ITGA4: variants seen among roughly 807,000 people sequenced by gnomAD.
ITGA4 encodes integrin alpha-4.
ITGA4 carries 63 observed loss-of-function variants against 133.6 expected under a neutral mutation model. The observed-to-expected ratio is 0.47, with a 90% CI of 0.38 to 0.58. ITGA4 has a LOEUF of 0.58. ITGA4 is among the 20% of genes least tolerant of loss of function. ITGA4 has a pLI of 0.00. For synonymous variants in ITGA4, 483 were observed against 438.0 expected, an observed-to-expected ratio of 1.10 and a Z score of -1.28; for missense variants, 1,076 against 1,252.7, an observed-to-expected ratio of 0.86 and a Z score of 2.13.
At chr2:181,497,038 G>A (rs897177124) in intron 14 of ITGA4, among the ~76,000 whole-genome samples, 1 of 152,140 alleles carries the variant, frequency 6.6e-6, no homozygotes, top group Non-Finnish European at 1.5e-5. Flanking sequence ...AAAAGTCATG[G>A]CCAGAGCTAC....
At chr2:181,504,659 T>G (rs962673004) in intron 15 of ITGA4, among the ~76,000 whole-genome samples, 1 of 152,086 alleles carries the variant, frequency 6.6e-6, no homozygotes, top group Non-Finnish European at 1.5e-5. Flanking sequence ...GATTGCAAGA[T>G]CTTTGAGGCA....
At position 181,538,160 on chromosome 2, in the gene ITGA4, A is replaced by ATTTCT. The variant is rs753666698; in HGVS notation, c.*2637_*2641dup. On this transcript the variant is annotated 3_prime_UTR_variant, in exon 28 of 28. Coordinates refer to ENST00000397033, the MANE Select transcript of ITGA4 (RefSeq NM_000885.6). The stretch of plus-strand genomic sequence containing the variant: ...TTTATATTAAAATTCTAGTTTGTAC[A>ATTTCT]TTTCTTTTAGAAACAATTACATGTT... The ATTTCT allele has an allele frequency of 6.8e-7, 1 of 1,467,174 alleles. No homozygotes were observed. Among genetic ancestry groups the ATTTCT allele is most frequent in the Non-Finnish European group, 9.5e-7 (1 of 1,048,890 alleles). The allele number at this position is 1,467,174 out of a possible 1,614,324, so 90.9% of individuals were successfully genotyped here.
At position 181,485,929 on chromosome 2, in the gene ITGA4, T is replaced by C; in HGVS notation, c.1090T>C (p.Tyr364His). The C allele has an allele frequency of 6.2e-7, 1 of 1,605,842 alleles. No individual in the cohort carries two copies. Among genetic ancestry groups the C allele is most frequent in the Non-Finnish European group, 8.5e-7 (1 of 1,178,176 alleles). ...METNLVGSDK[Y>H]AARFGESIVN... The stretch of plus-strand genomic sequence containing the variant: ...AACAAACCTCGTTGGAAGTGACAAA[T>C]ATGCTGCAAGATTTGGGGAATCTAT... The change falls in exon 10 of 28, where the codon TAT becomes CAT. Residue 364 changes from tyrosine to histidine, a missense_variant. Transcript: ENST00000397033.
At chr2:181,509,870 C>T (rs1323614257) in intron 16 of ITGA4, 63 bp downstream of exon 16, 3 of 1,244,872 alleles carry the variant, frequency 2.4e-6, no homozygotes, top group South Asian at 1.3e-5. Flanking sequence ...TAAAATATGG[C>T]ATAATTCTGA....
intron 4 of ITGA4, among the ~76,000 whole-genome samples, chr2:181,477,425 T>C (rs981732637): frequency 1.3e-5 from 2 of 152,074 alleles, no homozygotes; most frequent in Non-Finnish European, 2.9e-5. Context: ...GAAGAGACAG[T>C]CTGCAGAATG....
chr2:181,528,451 TGTA>T (rs1304092443), intron 22 of ITGA4, among the ~76,000 whole-genome samples: 1 of 152,266 alleles, frequency 6.6e-6, no homozygotes, highest in Non-Finnish European at 1.5e-5. Flanking sequence ...AAATGTATAA[TGTA>T]GTGACTGGCA....
chr2:181,515,813 G>A (rs1686592626), intron 17 of ITGA4, among the ~76,000 whole-genome samples: 1 of 152,038 alleles, frequency 6.6e-6, no homozygotes, highest in African/African-American at 2.4e-5. Flanking sequence ...CTCAGAAACA[G>A]TAGGCGAATT....
In ITGA4 at chr2:181,493,167, G is replaced by T. The variant is rs142492911; in HGVS notation, c.1154-158G>T. ...TATTGTGTGCAATCCTGTATATGATGATGATAGTATTTTATTTTTTTCTGT... is the reference window on the plus strand; with the variant it reads ...TATTGTGTGCAATCCTGTATATGATTATGATAGTATTTTATTTTTTTCTGT... On this transcript the variant is annotated intron_variant, in intron 10 of 27. Transcript: ENST00000397033. The T allele has an allele frequency of 2.5e-4, 146 of 577,598 alleles. No individual in the cohort carries two copies. In the African/African-American group the frequency reaches 2.6e-3, roughly 10 times the overall value. 35.8% of individuals were successfully genotyped at this position (577,598 alleles called of 1,614,324 possible).
chr2:181,461,302 C>T (rs1033685586), intron 2 of ITGA4, among the ~76,000 whole-genome samples: 4 of 150,464 alleles, frequency 2.7e-5, no homozygotes, highest in African/African-American at 4.9e-5. Flanking sequence ...TGGATAGTAC[C>T]GCAAGGTGCT....
At chr2:181,515,667 A>G (rs1287290112) in intron 17 of ITGA4, among the ~76,000 whole-genome samples, 1 of 152,096 alleles carries the variant, frequency 6.6e-6, no homozygotes, top group African/African-American at 2.4e-5. Flanking sequence ...TATTTGAGGA[A>G]CTTTCAAATG....
chr2:181,522,058 C>A, intron 17 of ITGA4, 133 bp from the exon 18 acceptor site: 2 of 477,782 alleles, frequency 4.2e-6, no homozygotes, highest in South Asian at 5.1e-5. Context: ...AGGGTCAATC[C>A]CATGATTGTT....
intron 21 of ITGA4, among the ~76,000 whole-genome samples, chr2:181,526,359 C>A (rs1686830106): frequency 6.6e-6 from 1 of 152,192 alleles, no homozygotes; most frequent in South Asian, 2.1e-4. Context: ...TTTCCTGTTT[C>A]ATGAGTTTCT....
intron 6 of ITGA4, 43 bp from the exon 7 acceptor site, chr2:181,481,555 G>A (rs1685804082): frequency 1.0e-6 from 1 of 993,670 alleles, no homozygotes; most frequent in Non-Finnish European, 1.6e-6. Flanking sequence ...ACCATATGAT[G>A]TACTTTACCC....
chr2:181,514,357 A>G (rs1686564415), intron 17 of ITGA4, among the ~76,000 whole-genome samples: 1 of 152,110 alleles, frequency 6.6e-6, no homozygotes, highest in African/African-American at 2.4e-5. Context: ...CATATGGCTG[A>G]GAATCAATTA....
chr2:181,525,126 A>G (rs1306524429), intron 20 of ITGA4, 76 bp from the exon 21 acceptor site: 3 of 807,680 alleles, frequency 3.7e-6, no homozygotes, highest in Non-Finnish European at 6.5e-6. Context: ...TATTAGGTAT[A>G]CAGGGTATGT....
intron 17 of ITGA4, among the ~76,000 whole-genome samples, chr2:181,519,949 T>G (rs981818333): frequency 6.6e-6 from 1 of 152,134 alleles, no homozygotes; most frequent in Non-Finnish European, 1.5e-5. Context: ...TACAGACATG[T>G]ACTTACCTGC....
Position 181,531,058 on chromosome 2 carries a change from T to G in ITGA4, c.2664+409T>G, listed in dbSNP as rs188012942. 8.8e-3 allele frequency among the ~76,000 whole-genome samples: 1,339 copies of G among 151,736 alleles called. 6 individuals carry two copies. Among genetic ancestry groups the G allele is most frequent in the Middle Eastern group, 0.072 (21 of 292 alleles). On this transcript the variant is annotated intron_variant, in intron 24 of 27. Coordinates refer to ENST00000397033, the MANE Select transcript of ITGA4 (RefSeq NM_000885.6). ...TGAATCCGGGAGGTGGAGGTTGCAG[T>G]GAGCCGAGATCACGCCACTGCACTC...
intron 17 of ITGA4, among the ~76,000 whole-genome samples, chr2:181,521,534 G>A (rs75881420): frequency 0.022 from 3,395 of 152,258 alleles, 113 homozygotes; most frequent in African/African-American, 0.077. Flanking sequence ...ACTTGAACTC[G>A]TGCATATATA....
At chr2:181,489,209 T>C (rs986230503) in intron 10 of ITGA4, among the ~76,000 whole-genome samples, 29 of 152,346 alleles carry the variant, frequency 1.9e-4, no homozygotes, top group African/African-American at 6.3e-4. Flanking sequence ...CAAATTTTTG[T>C]GGTACTTTGC....
Sources: allele counts gnomAD v4.1 joint callset (sites outside exome capture counted in the v4.1 genomes callset), GRCh38; gene constraint gnomAD v4.1.1; transcripts MANE v1.5; gene names NCBI Gene and HGNC (gene_info 2026-07-23, HGNC 2026-07-21).